Variants in TRPM8 observed in about 807,000 individuals in gnomAD.
TRPM8 encodes the protein TRPM8 cationic channel.
TRPM8 carries 110 observed loss-of-function variants against 133.7 expected under a neutral mutation model. That is an observed-to-expected ratio of 0.82 (90% CI 0.70 to 0.96). The LOEUF is 0.96. Among genes scored for constraint, TRPM8 ranks in the 40% least tolerant of loss-of-function variants. The pLI, the probability that TRPM8 is intolerant of heterozygous loss-of-function variation, is 0.00. For missense variants in TRPM8, 1,291 were observed against 1,379.5 expected (o/e 0.94, Z 1.02); for synonymous variants, 535 against 532.3 (o/e 1.01, Z -0.07).
intron 22 of TRPM8, among the ~76,000 whole-genome samples, chr2:234,003,018 A>G (rs1232273937): frequency 6.6e-6 from 1 of 152,244 alleles, no homozygotes; most frequent in African/African-American, 2.4e-5. Context: ...TTGCTAACCT[A>G]GACATGGTAA....
At chr2:233,974,433 C>G (rs972214941) in intron 17 of TRPM8, among the ~76,000 whole-genome samples, 1 of 152,104 alleles carries the variant, frequency 6.6e-6, no homozygotes, top group Non-Finnish European at 1.5e-5. Flanking sequence ...GGGGTTTCAC[C>G]ATGTTGGCCA....
intron 22 of TRPM8, among the ~76,000 whole-genome samples, chr2:234,003,917 A>C (rs1692630485): frequency 6.6e-6 from 1 of 152,192 alleles, no homozygotes; most frequent in Non-Finnish European, 1.5e-5. Context: ...TCAGTGCCTA[A>C]ATAAGGACAA....
At chr2:233,923,503 C>T (rs1691451425) in intron 1 of TRPM8, among the ~76,000 whole-genome samples, 2 of 152,182 alleles carry the variant, frequency 1.3e-5, no homozygotes, top group Admixed American at 6.5e-5. Flanking sequence ...ATGTCCCCTG[C>T]TGCCGTGCTC....
At chr2:233,949,110 C>T (rs749837935) in intron 8 of TRPM8, among the ~76,000 whole-genome samples, 3 of 152,142 alleles carry the variant, frequency 2.0e-5, no homozygotes, top group South Asian at 2.1e-4. Flanking sequence ...AACTCCCCAT[C>T]GACACACCCA....
rs28901613 is a variant in TRPM8 at position 233,930,309 on chromosome 2, G to A, written c.118-359G>A. 8.5e-3 allele frequency among the ~76,000 whole-genome samples: 1,296 copies of A among 152,256 alleles called. 18 individuals carry two copies. The highest frequency in any genetic ancestry group is 0.03 in the African/African-American group (1,227 of 41,536). ...CTTCTTTTAAACAGCAAGGATAAGAGGAATGGGAATCTGCATTGATATATT... is the reference window on the plus strand; with the variant it reads ...CTTCTTTTAAACAGCAAGGATAAGAAGAATGGGAATCTGCATTGATATATT... On this transcript the variant is annotated intron_variant, in intron 2 of 25. Coordinates refer to ENST00000324695, the MANE Select transcript of TRPM8 (RefSeq NM_024080.5).
At chr2:234,012,060 G>C (rs931578914) in intron 24 of TRPM8, among the ~76,000 whole-genome samples, 1 of 150,946 alleles carries the variant, frequency 6.6e-6, no homozygotes, top group Non-Finnish European at 1.5e-5. Context: ...TTCCCTTCTA[G>C]ATAGCTCTTT....
intron 11 of TRPM8, among the ~76,000 whole-genome samples, chr2:233,957,801 A>G (rs1454009161): frequency 6.6e-6 from 1 of 152,194 alleles, no homozygotes; most frequent in Non-Finnish European, 1.5e-5. Flanking sequence ...GGGAGTATTT[A>G]CACCATAGGA....
At position 233,942,754 on chromosome 2, in the gene TRPM8, G is replaced by A. The variant is rs778371614; in HGVS notation, c.699+6G>A. On this transcript the variant is annotated splice_donor_region_variant and intron_variant, in intron 6 of 25. Coordinates refer to ENST00000324695, the MANE Select transcript of TRPM8 (RefSeq NM_024080.5). The stretch of plus-strand genomic sequence containing the variant: ...TCAGGAATTGCGATGCTGAGGTACC[G>A]GTGGGACAGGAGGAGGTCTGCTAGG... 11 of 1,613,790 alleles carry A rather than the reference G, an allele frequency of 6.8e-6. No individual in the cohort carries two copies. Among genetic ancestry groups the A allele is most frequent in the South Asian group, 3.3e-5 (3 of 91,042 alleles).
intron 19 of TRPM8, 147 bp downstream of exon 19, chr2:233,982,062 C>A: frequency 1.1e-6 from 1 of 893,398 alleles, no homozygotes; most frequent in Non-Finnish European, 1.6e-6. Context: ...TCATCAGGGG[C>A]CTCTCCCAGG....
intron 21 of TRPM8, among the ~76,000 whole-genome samples, chr2:233,993,946 T>C (rs369129248): frequency 5.9e-5 from 9 of 152,258 alleles, no homozygotes; most frequent in African/African-American, 2.2e-4. Flanking sequence ...TTTGACTAGA[T>C]ATATAGTCAA....
Position 233,942,630 on chromosome 2 carries a change from A to T in TRPM8, c.581A>T (p.Glu194Val). Residue 194 changes from glutamate (E) to valine (V), a missense_variant, in exon 6 of 26, where the codon GAG becomes GTG. Coordinates refer to ENST00000324695, the MANE Select transcript of TRPM8 (RefSeq NM_024080.5). Reference sequence around the variant, plus strand: ...TATGGCCTGATGAAGTACATCGGGGAGGTGGTGAGAGATAACACCATCAGC... The same window carrying T: ...TATGGCCTGATGAAGTACATCGGGGTGGTGGTGAGAGATAACACCATCAGC... ...THYGLMKYIG[E>V]VVRDNTISRS... 6.2e-7 allele frequency: 1 copy of T among 1,614,166 alleles called. No individual in the cohort carries two copies. Among genetic ancestry groups the T allele is most frequent in the South Asian group, 1.1e-5 (1 of 91,078 alleles).
At chr2:233,920,069 C>T (rs1274800466) in intron 1 of TRPM8, among the ~76,000 whole-genome samples, 2 of 152,152 alleles carry the variant, frequency 1.3e-5, no homozygotes, top group African/African-American at 4.8e-5. Flanking sequence ...ATCTGGGGCT[C>T]ACTGCAGATG....
chr2:233,949,890 A>C, intron 8 of TRPM8, 59 bp from the exon 9 acceptor site: 2 of 1,541,352 alleles, frequency 1.3e-6, no homozygotes, highest in Non-Finnish European at 1.8e-6. Context: ...ACCTTAGTCC[A>C]GAGCTGGGTT....
At chr2:234,004,045 A>G (rs1024773851) in intron 22 of TRPM8, among the ~76,000 whole-genome samples, 2 of 152,196 alleles carry the variant, frequency 1.3e-5, no homozygotes, top group South Asian at 2.1e-4. Context: ...AAATCCCCCA[A>G]TTTGGCCAGC....
chr2:233,979,375 G>A (rs1325293966), intron 17 of TRPM8, among the ~76,000 whole-genome samples: 4 of 152,290 alleles, frequency 2.6e-5, no homozygotes, highest in African/African-American at 9.6e-5. Context: ...TGTGTGCCGG[G>A]AGCCTGGCAC....
intron 18 of TRPM8, among the ~76,000 whole-genome samples, 190 bp from the exon 19 acceptor site, chr2:233,981,584 T>A (rs375921827): frequency 2.0e-5 from 3 of 152,142 alleles, no homozygotes; most frequent in Admixed American, 6.5e-5. Context: ...TGTCTTTTCA[T>A]GTCCTTGACT....
At chr2:234,010,581 T>A (rs562060440) in intron 24 of TRPM8, among the ~76,000 whole-genome samples, 1 of 152,196 alleles carries the variant, frequency 6.6e-6, no homozygotes, top group Non-Finnish European at 1.5e-5. Context: ...AATAGCTATA[T>A]CAACTTACCT....
intron 10 of TRPM8, 27 bp downstream of exon 10, chr2:233,954,046 T>A: frequency 6.6e-7 from 1 of 1,516,002 alleles, no homozygotes; most frequent in South Asian, 1.2e-5. Context: ...CCTTTTGAAG[T>A]GTCAGCTTTG....
chr2:233,926,687 AT>A, intron 2 of TRPM8, 33 bp downstream of exon 2: 2 of 1,541,104 alleles, frequency 1.3e-6, no homozygotes, highest in Non-Finnish European at 1.8e-6. Flanking sequence ...TTGAAAGGTT[AT>A]CATTGTAACC....
Sources: allele counts gnomAD v4.1 joint callset (sites outside exome capture counted in the v4.1 genomes callset), GRCh38; gene constraint gnomAD v4.1.1; transcripts MANE v1.5; gene names NCBI Gene and HGNC (gene_info 2026-07-23, HGNC 2026-07-21).